FAM163A: variants seen among roughly 807,000 people sequenced by gnomAD.
FAM163A encodes family with sequence similarity 163 member A, also known as protein FAM163A.
Under a neutral mutation model 12.0 loss-of-function variants are expected in FAM163A, and 7 were observed. That is an observed-to-expected ratio of 0.58 (90% CI 0.33 to 1.10). The LOEUF (loss-of-function observed/expected upper bound fraction) is 1.10. Among genes scored for constraint, FAM163A ranks in the 50% least tolerant of loss-of-function variants. The pLI is 0.03. For synonymous variants in FAM163A, 101 were observed against 91.0 expected (o/e 1.11, Z -0.62); for missense variants, 202 against 218.6 (o/e 0.92, Z 0.48).
At chr1:179,748,602 CT>C (rs1684839132) in intron 1 of FAM163A, among the ~76,000 whole-genome samples, 1 of 152,192 alleles carries the variant, frequency 6.6e-6, no homozygotes, top group Non-Finnish European at 1.5e-5. Context: ...ACCAGCAGTA[CT>C]CTGCAGACTA....
At chr1:179,729,558 G>A in the FAM163A span, among the ~76,000 whole-genome samples, 1 of 152,224 alleles carries the variant, frequency 6.6e-6, no homozygotes, top group Admixed American at 6.5e-5. Flanking sequence ...GCTCCTAGTT[G>A]CCTGTAACAG....
At chr1:179,803,037 G>C (rs535408181) in intron 1 of FAM163A, among the ~76,000 whole-genome samples, 8 of 151,998 alleles carry the variant, frequency 5.3e-5, no homozygotes, top group Non-Finnish European at 1.2e-4. Flanking sequence ...CTCATCCTGG[G>C]GGTCAGGACT....
At chr1:179,796,522 C>G (rs938628209) in intron 1 of FAM163A, among the ~76,000 whole-genome samples, 10 of 152,212 alleles carry the variant, frequency 6.6e-5, no homozygotes, top group Non-Finnish European at 1.2e-4. Context: ...CTCCCTCTAT[C>G]TTGCACAGAT....
At chr1:179,733,415 G>A in the FAM163A span, among the ~76,000 whole-genome samples, 1 of 152,062 alleles carries the variant, frequency 6.6e-6, no homozygotes, top group Non-Finnish European at 1.5e-5. Context: ...ACAAAATCTT[G>A]TCTCAAGAGA....
At chr1:179,729,508 A>T in the FAM163A span, among the ~76,000 whole-genome samples, 16 of 152,324 alleles carry the variant, frequency 1.1e-4, no homozygotes, top group African/African-American at 3.8e-4. Flanking sequence ...AATGCTAAGG[A>T]TGTCAGAGGA....
intron 1 of FAM163A, among the ~76,000 whole-genome samples, chr1:179,748,830 G>T (rs1162342422): frequency 6.6e-6 from 1 of 152,232 alleles, no homozygotes; most frequent in African/African-American, 2.4e-5. Flanking sequence ...AAGACACAGG[G>T]TTACAGTAGA....
intron 1 of FAM163A, among the ~76,000 whole-genome samples, chr1:179,785,547 G>A (rs1015894550): frequency 6.6e-6 from 1 of 152,082 alleles, no homozygotes; most frequent in Non-Finnish European, 1.5e-5. Context: ...TTTTGTTTTG[G>A]GGGAGTGGGG....
the FAM163A span, among the ~76,000 whole-genome samples, chr1:179,735,274 T>C: frequency 6.6e-6 from 1 of 152,192 alleles, no homozygotes; most frequent in Admixed American, 6.5e-5. Context: ...GTTTAAAATC[T>C]TCTTAAAAGC....
chr1:179,805,468 G>A (rs776368214), intron 1 of FAM163A, among the ~76,000 whole-genome samples: 2 of 152,138 alleles, frequency 1.3e-5, no homozygotes, highest in Non-Finnish European at 1.5e-5. Flanking sequence ...CTGGTGGGGC[G>A]GAGGTTGCAG....
chr1:179,774,058 G>A (rs68141282), intron 1 of FAM163A, among the ~76,000 whole-genome samples: 27,028 of 152,218 alleles, frequency 0.18, 2,939 homozygotes, highest in African/African-American at 0.31. Flanking sequence ...TGTCATCTTT[G>A]TCCATGTTCT....
intron 1 of FAM163A, among the ~76,000 whole-genome samples, chr1:179,746,901 G>A (rs1454295033): frequency 1.3e-5 from 2 of 152,090 alleles, no homozygotes; most frequent in African/African-American, 4.8e-5. Flanking sequence ...GCTGGGGAGA[G>A]GTGTCTTTGG....
At chr1:179,742,066 G>T (rs1325105683), upstream of FAM163A, 1 of 152,246 alleles carries the variant, frequency 6.6e-6, no homozygotes, top group Non-Finnish European at 1.5e-5. Context: ...GACGGCACAT[G>T]AAAATCTGAG....
intron 1 of FAM163A, among the ~76,000 whole-genome samples, chr1:179,788,280 C>G (rs1385978232): frequency 6.6e-6 from 1 of 152,184 alleles, no homozygotes; most frequent in Non-Finnish European, 1.5e-5. Flanking sequence ...CACCCACTCA[C>G]CTGTTCATAG....
At chr1:179,812,690 G>A (rs1341082189) in intron 3 of FAM163A, among the ~76,000 whole-genome samples, 2 of 152,194 alleles carry the variant, frequency 1.3e-5, no homozygotes, top group East Asian at 3.9e-4. Flanking sequence ...TCGCGAGGAT[G>A]TAGTAAGATG....
chr1:179,746,028 G>A (rs1044466237), intron 1 of FAM163A, among the ~76,000 whole-genome samples: 3 of 152,150 alleles, frequency 2.0e-5, no homozygotes, highest in African/African-American at 7.2e-5. Context: ...CCTTCTCTCT[G>A]TCACTCAAGG....
chr1:179,764,869 G>C (rs916319930), intron 1 of FAM163A, among the ~76,000 whole-genome samples: 2 of 152,158 alleles, frequency 1.3e-5, no homozygotes, highest in Non-Finnish European at 2.9e-5. Flanking sequence ...TGTACCTCAG[G>C]AGGTTGCTGT....
intron 4 of FAM163A, 144 bp downstream of exon 4, chr1:179,813,334 G>T (rs1174220501): frequency 1.2e-6 from 1 of 828,398 alleles, no homozygotes; most frequent in African/African-American, 1.7e-5. Context: ...AAGGAGGATG[G>T]GAGTTGGGGC....
At chr1:179,770,323 C>T (rs1688105981) in intron 1 of FAM163A, among the ~76,000 whole-genome samples, 1 of 152,064 alleles carries the variant, frequency 6.6e-6, no homozygotes, top group African/African-American at 2.4e-5. Context: ...GTTCAAGCTG[C>T]TATCATCTCT....
intron 1 of FAM163A, among the ~76,000 whole-genome samples, chr1:179,790,682 C>T (rs184439435): frequency 1.5e-4 from 23 of 152,232 alleles, no homozygotes; most frequent in Admixed American, 4.6e-4. Context: ...CACTCCTGAC[C>T]TCAGGTGATC....
Sources: gnomAD v4.1 joint callset for allele counts (sites outside exome capture counted in the v4.1 genomes callset) on GRCh38, gnomAD v4.1.1 for gene constraint, MANE v1.5 for transcripts, NCBI Gene and HGNC (gene_info 2026-07-23, HGNC 2026-07-21) for gene names.